The following ATRNL1 variants were observed in gnomAD, a reference collection of about 807,000 sequenced individuals.
The protein encoded by ATRNL1 is attractin-like protein 1.
Under a neutral mutation model 182.7 loss-of-function variants are expected in ATRNL1, and 95 were observed. The ratio of observed to expected loss-of-function variants is 0.52; its 90% confidence interval spans 0.44 to 0.62. The LOEUF is 0.62. Among genes scored for constraint, ATRNL1 ranks in the 20% least tolerant of loss-of-function variants. The pLI, the probability that ATRNL1 is intolerant of heterozygous loss-of-function variation, is 0.00. For missense variants in ATRNL1, 1,471 were observed against 1,679.5 expected, an observed-to-expected ratio of 0.88 and a Z score of 2.17; for synonymous variants, 576 against 568.3, an observed-to-expected ratio of 1.01 and a Z score of -0.19.
At chr10:115,850,517 T>C (rs1202186780) in intron 28 of ATRNL1, among the ~76,000 whole-genome samples, 14 of 152,202 alleles carry the variant, frequency 9.2e-5, no homozygotes, top group African/African-American at 3.4e-4. Flanking sequence ...CCAGTGATTA[T>C]TTGGGAACCA....
chr10:115,120,548 A>T (rs1380220618), intron 2 of ATRNL1, among the ~76,000 whole-genome samples: 3 of 152,050 alleles, frequency 2.0e-5, no homozygotes, highest in African/African-American at 7.2e-5. Flanking sequence ...TCTTGTTATG[A>T]AATTTGAAGA....
chr10:115,178,860 G>A (rs1435651050), intron 8 of ATRNL1, among the ~76,000 whole-genome samples: 1 of 152,084 alleles, frequency 6.6e-6, no homozygotes, highest in Non-Finnish European at 1.5e-5. Context: ...TTCCAGAACT[G>A]TTAGAAATAA....
intron 26 of ATRNL1, among the ~76,000 whole-genome samples, chr10:115,698,223 T>C (rs1327700700): frequency 6.6e-6 from 1 of 152,084 alleles, no homozygotes; most frequent in Admixed American, 6.6e-5. Flanking sequence ...TTAATGCTCA[T>C]GAAACTAGTT....
intron 8 of ATRNL1, among the ~76,000 whole-genome samples, chr10:115,179,383 A>AT (rs1381846037): frequency 6.6e-6 from 1 of 151,852 alleles, no homozygotes; most frequent in Non-Finnish European, 1.5e-5. Flanking sequence ...GTGTTGCTTT[A>AT]TTGAAGGCTG....
chr10:115,923,025 T>C (rs560182840), intron 28 of ATRNL1, among the ~76,000 whole-genome samples: 22 of 152,192 alleles, frequency 1.4e-4, no homozygotes, highest in Non-Finnish European at 1.9e-4. Flanking sequence ...ATCAACGTAA[T>C]GTATGCATCT....
At chr10:115,541,098 A>G (rs987733976) in intron 25 of ATRNL1, among the ~76,000 whole-genome samples, 1 of 152,204 alleles carries the variant, frequency 6.6e-6, no homozygotes, top group Non-Finnish European at 1.5e-5. Flanking sequence ...TTTCTTATCG[A>G]AAGACACCAT....
At chr10:115,896,230 A>G (rs1407488398) in intron 28 of ATRNL1, among the ~76,000 whole-genome samples, 1 of 152,244 alleles carries the variant, frequency 6.6e-6, no homozygotes, top group Admixed American at 6.5e-5. Flanking sequence ...TTCTGCCTGT[A>G]CTATTAAATT....
At chr10:115,768,156 T>A (rs1402490542) in intron 27 of ATRNL1, among the ~76,000 whole-genome samples, 1 of 152,172 alleles carries the variant, frequency 6.6e-6, no homozygotes, top group Non-Finnish European at 1.5e-5. Flanking sequence ...CTCTGTGACT[T>A]TGTATAAATT....
At position 115,288,518 on chromosome 10, in the gene ATRNL1, C is replaced by CT. The variant is rs1370350590; in HGVS notation, c.2415+2135dup. On this transcript the variant is annotated intron_variant, in intron 15 of 28. Transcript: ENST00000355044. The stretch of plus-strand genomic sequence containing the variant: ...CTTTTGTTGGTCACTTGTATGTCTT[C>CT]TTTTTTTTTTTTTTATTTTTTTTGA... 4.2e-3 allele frequency among the ~76,000 whole-genome samples: 595 copies of CT among 140,282 alleles called. 7 individuals carry two copies. Among genetic ancestry groups the CT allele is most frequent in the South Asian group, 0.022 (97 of 4,396 alleles). 92.0% of individuals were successfully genotyped at this position (140,282 alleles called of 152,430 possible).
chr10:115,389,179 G>T (rs1048909893), intron 19 of ATRNL1, among the ~76,000 whole-genome samples: 2 of 151,846 alleles, frequency 1.3e-5, no homozygotes, highest in Admixed American at 6.6e-5. Flanking sequence ...TTTGTGCCTG[G>T]TTTATTTCAT....
intron 26 of ATRNL1, among the ~76,000 whole-genome samples, chr10:115,559,066 A>T (rs1853503884): frequency 6.6e-6 from 1 of 152,078 alleles, no homozygotes; most frequent in Non-Finnish European, 1.5e-5. Flanking sequence ...CCTTGCTTAT[A>T]GGGCAGAAAT....
intron 26 of ATRNL1, among the ~76,000 whole-genome samples, chr10:115,577,294 T>C (rs1428405255): frequency 1.3e-5 from 2 of 151,898 alleles, no homozygotes; most frequent in Non-Finnish European, 2.9e-5. Context: ...GGGATTATGT[T>C]GAATCTGCAG....
At chr10:115,305,155 A>T (rs1853664322) in intron 17 of ATRNL1, among the ~76,000 whole-genome samples, 2 of 151,566 alleles carry the variant, frequency 1.3e-5, no homozygotes, top group Non-Finnish European at 2.9e-5. Context: ...TCCCATTTAG[A>T]GGTAGCCACT....
intron 24 of ATRNL1, among the ~76,000 whole-genome samples, chr10:115,502,524 T>C (rs1358815037): frequency 3.3e-5 from 5 of 152,072 alleles, no homozygotes; most frequent in Admixed American, 3.3e-4. Flanking sequence ...CTAGTAAAAA[T>C]AGCATGAAGC....
rs1953857507 is a variant in ATRNL1 at position 115,945,495 on chromosome 10, A to G, written c.*716A>G. On this transcript the variant is annotated 3_prime_UTR_variant, in exon 29 of 29. Transcript: ENST00000355044. ...CGTTATCAGAGCTGATAGAGCATGG[A>G]AAAGTCTGTCCAGCGATCAGTTGTT... 6.6e-6 allele frequency: 1 copy of G among 152,206 alleles called. No homozygotes were observed. The highest frequency in any genetic ancestry group is 2.4e-5 in the African/African-American group (1 of 41,452). The allele number at this position is 152,206 out of a possible 1,614,324, so 9.4% of individuals were successfully genotyped here.
At chr10:115,593,365 A>G (rs1856028733) in intron 26 of ATRNL1, among the ~76,000 whole-genome samples, 1 of 152,234 alleles carries the variant, frequency 6.6e-6, no homozygotes, top group African/African-American at 2.4e-5. Context: ...ACAATAATTA[A>G]AACAGCATGG....
At chr10:115,584,067 G>A (rs1272759355) in intron 26 of ATRNL1, among the ~76,000 whole-genome samples, 22 of 151,994 alleles carry the variant, frequency 1.4e-4, no homozygotes, top group African/African-American at 5.3e-4. Flanking sequence ...TGATTTGCGT[G>A]TATTCAACCA....
chr10:115,215,921 T>A, intron 9 of ATRNL1, 41 bp downstream of exon 9: 1 of 1,388,702 alleles, frequency 7.2e-7, no homozygotes, highest in Admixed American at 2.8e-5. Context: ...TTGCCATTAT[T>A]ATTGTAAATG....
At chr10:115,152,495 C>G (rs1846285683) in intron 5 of ATRNL1, among the ~76,000 whole-genome samples, 1 of 152,138 alleles carries the variant, frequency 6.6e-6, no homozygotes, top group Non-Finnish European at 1.5e-5. Context: ...TGGGAGTTCA[C>G]TCATGATTTG....
Sources: allele counts gnomAD v4.1 joint callset (sites outside exome capture counted in the v4.1 genomes callset), GRCh38; gene constraint gnomAD v4.1.1; transcripts MANE v1.5; gene names NCBI Gene and HGNC (gene_info 2026-07-23, HGNC 2026-07-21).